GRM4: variants seen among roughly 807,000 people sequenced by gnomAD.
The protein encoded by GRM4 is metabotropic glutamate receptor 4.
In GRM4, 28 loss-of-function variants were observed where a neutral mutation model predicts 81.7. The ratio of observed to expected loss-of-function variants is 0.34; its 90% CI spans 0.25 to 0.47. The LOEUF (loss-of-function observed/expected upper bound fraction) is 0.47. Among genes scored for constraint, GRM4 ranks in the 20% least tolerant of loss-of-function variants. The probability of loss-of-function intolerance (pLI) is 1.00; values close to 1 mark genes in which losing one functional copy is unlikely to be tolerated. For synonymous variants in GRM4, 488 were observed against 528.8 expected (o/e 0.92, Z 1.06); for missense variants, 948 against 1,290.0 (o/e 0.73, Z 4.06).
At chr6:34,087,722 A>C (rs1315454473) in intron 3 of GRM4, among the ~76,000 whole-genome samples, 3 of 124,754 alleles carry the variant, frequency 2.4e-5, no homozygotes, top group Non-Finnish European at 3.3e-5. Flanking sequence ...ACACACACAC[A>C]CAGGCCCAGT....
intron 2 of GRM4, among the ~76,000 whole-genome samples, chr6:34,119,193 C>T (rs1469673362): frequency 6.6e-6 from 1 of 152,246 alleles, no homozygotes; most frequent in Admixed American, 6.5e-5. Flanking sequence ...GTCAGGAGTT[C>T]AAGACCAACC....
At chr6:34,063,559 G>GCA (rs146063971) in intron 3 of GRM4, 3 of 151,670 alleles carry the variant, frequency 2.0e-5, no homozygotes, top group South Asian at 2.1e-4. Context: ...ACATGTGCGT[G>GCA]CACACACACA....
At chr6:34,081,699 C>T (rs1767606360) in intron 3 of GRM4, among the ~76,000 whole-genome samples, 2 of 152,074 alleles carry the variant, frequency 1.3e-5, no homozygotes, top group South Asian at 4.2e-4. Context: ...ACTTGGTGGG[C>T]CCATGTAGGC....
At chr6:34,095,041 C>A (rs540181055) in intron 2 of GRM4, among the ~76,000 whole-genome samples, 1 of 152,362 alleles carries the variant, frequency 6.6e-6, no homozygotes, top group African/African-American at 2.4e-5. Context: ...CCCTGGCACA[C>A]TGGCCCTGGC....
intron 9 of GRM4, among the ~76,000 whole-genome samples, chr6:34,028,750 G>A (rs954885209): frequency 7.2e-5 from 11 of 152,182 alleles, no homozygotes; most frequent in Admixed American, 6.5e-5. Context: ...GAGGACGTGC[G>A]CCTGAGGAGA....
At chr6:34,024,440 G>A (rs1764033633) in intron 10 of GRM4, 2 of 310,022 alleles carry the variant, frequency 6.5e-6, no homozygotes, top group South Asian at 5.7e-5. Context: ...TCCTATTACG[G>A]CAGAGAGCAA....
intron 3 of GRM4, among the ~76,000 whole-genome samples, chr6:34,075,709 G>A (rs1215644796): frequency 6.6e-6 from 1 of 152,200 alleles, no homozygotes; most frequent in Non-Finnish European, 1.5e-5. Flanking sequence ...TGAAGAATAA[G>A]CAAGTTAATA....
At chr6:34,028,541 AC>A (rs1456185776) in intron 9 of GRM4, among the ~76,000 whole-genome samples, 175 bp from the exon 10 acceptor site, 1 of 152,166 alleles carries the variant, frequency 6.6e-6, no homozygotes, top group Non-Finnish European at 1.5e-5. Flanking sequence ...TTGGCTCACT[AC>A]TTCCAGCTGT....
chr6:34,096,023 C>T (rs1157953025), intron 2 of GRM4, among the ~76,000 whole-genome samples: 3 of 152,204 alleles, frequency 2.0e-5, no homozygotes, highest in African/African-American at 7.2e-5. Context: ...TCTCCTCTCC[C>T]AACAGCAGCA....
intron 2 of GRM4, among the ~76,000 whole-genome samples, chr6:34,095,411 C>T (rs1305399383): frequency 4.6e-5 from 7 of 152,152 alleles, no homozygotes; most frequent in Non-Finnish European, 8.8e-5. Context: ...TGCTTAAGTT[C>T]AAATCCCAGC....
In GRM4 at chr6:34,073,012, C is replaced by T. The variant is rs1248121113; in HGVS notation, c.737-10984G>A. On this transcript the variant is annotated intron_variant, in intron 3 of 10. Transcript: ENST00000538487. Reference sequence around the variant, plus strand: ...ACACACACATCACACAGATACACACCACACACACACATCACCACAGATACA... The same window carrying T: ...ACACACACATCACACAGATACACACTACACACACACATCACCACAGATACA... Among the ~76,000 whole-genome samples the T allele has an allele frequency of 3.9e-5, 4 of 101,914 alleles. No individual in the cohort carries two copies. In the South Asian group the frequency reaches 1.5e-3, roughly 38 times the overall value. 66.9% of individuals were successfully genotyped at this position (101,914 alleles called of 152,430 possible).
In GRM4 at chr6:34,021,871, T is replaced by A. The variant is rs893826132; in HGVS notation, c.*950A>T. 6.5e-6 allele frequency: 1 copy of A among 152,774 alleles called. No homozygotes were observed. Among genetic ancestry groups the A allele is most frequent in the African/African-American group, 2.4e-5 (1 of 41,448 alleles). 9.5% of individuals were successfully genotyped at this position (152,774 alleles called of 1,614,324 possible). A position where few individuals can be genotyped will look rare whatever the true frequency, so the allele number is the denominator to read the frequency against. On this transcript the variant is annotated 3_prime_UTR_variant, in exon 11 of 11. Transcript: ENST00000538487. This position sits in a 1 kb window ranked among gnomAD's most constrained non-coding sequence, Gnocchi z 5.3. ...CCGGGTGCAAAACCATGTGTTTATT[T>A]TTATTAGAAATGTTCTTGGTATAAA...
upstream of GRM4, among the ~76,000 whole-genome samples, chr6:34,146,525 G>C (rs1581744648): frequency 1.3e-5 from 2 of 152,188 alleles, no homozygotes; most frequent in African/African-American, 4.8e-5. Context: ...GGCAGGCAGC[G>C]TGGAAGTGAG....
rs995705966 is a variant in GRM4, at chr6:34,135,990, G to C, written c.-363-2131C>G. ...GGCTACTAGCCCGTGTGCAGGCAGG[G>C]GGCAGAGATGCTAACTGGCCAGCTG... is the stretch of plus-strand genomic sequence containing the variant. On this transcript the variant is annotated intron_variant, in intron 1 of 10. Coordinates refer to ENST00000538487, the MANE Select transcript of GRM4 (RefSeq NM_000841.4). 7.2e-5 allele frequency among the ~76,000 whole-genome samples: 11 copies of C among 152,310 alleles called. No homozygotes were observed. The East Asian group carries it at 2.1e-3, about 29-fold the overall frequency.
chr6:34,151,329 C>T (rs559211467), intron 1 of GRM4, among the ~76,000 whole-genome samples: 27 of 152,258 alleles, frequency 1.8e-4, no homozygotes, highest in African/African-American at 6.5e-4. Context: ...CTCTCTTGGT[C>T]CTCTCCCTGT....
chr6:34,124,047 T>G (rs1228398276), intron 2 of GRM4, among the ~76,000 whole-genome samples: 2 of 152,166 alleles, frequency 1.3e-5, no homozygotes, highest in Non-Finnish European at 2.9e-5. Flanking sequence ...CAAGGGCTGC[T>G]CAGGGACCAT....
chr6:34,029,289 A>G (rs1268582437), intron 9 of GRM4, among the ~76,000 whole-genome samples: 2 of 152,130 alleles, frequency 1.3e-5, no homozygotes, highest in East Asian at 3.9e-4. Context: ...GCCCTGGTAC[A>G]TGGCTGGTGT....
At chr6:34,119,470 A>T (rs1769717351) in intron 2 of GRM4, among the ~76,000 whole-genome samples, 1 of 152,222 alleles carries the variant, frequency 6.6e-6, no homozygotes, top group Admixed American at 6.5e-5. Context: ...GATCAGCCAC[A>T]GGGCCTCCTT....
chr6:34,112,488 G>T (rs1769426421), intron 2 of GRM4, among the ~76,000 whole-genome samples: 1 of 152,108 alleles, frequency 6.6e-6, no homozygotes, highest in Non-Finnish European at 1.5e-5. Flanking sequence ...AGAGAGGGAG[G>T]TCCCTGTTGT....
Sources: allele counts gnomAD v4.1 joint callset (sites outside exome capture counted in the v4.1 genomes callset), GRCh38; gene constraint gnomAD v4.1.1; non-coding constraint Gnocchi (gnomAD v3.1); transcripts MANE v1.5; gene names NCBI Gene and HGNC (gene_info 2026-07-23, HGNC 2026-07-21).